The following SMYD3 variants were observed in gnomAD, a reference collection of about 807,000 sequenced individuals.
SMYD3 encodes the protein histone-lysine N-methyltransferase SMYD3.
A neutral mutation model predicts 57.7 loss-of-function variants in SMYD3; 36 were observed. That is an observed-to-expected ratio of 0.62 (90% CI 0.48 to 0.82). SMYD3 has a LOEUF of 0.82. SMYD3 is among the 40% of genes least tolerant of loss of function. The pLI is 0.00. For missense variants in SMYD3, 515 were observed against 538.8 expected, an observed-to-expected ratio of 0.96 and a Z score of 0.44; for synonymous variants, 211 against 195.0, an observed-to-expected ratio of 1.08 and a Z score of -0.68.
intron 1 of SMYD3, among the ~76,000 whole-genome samples, chr1:246,453,513 A>G (rs543270053): frequency 6.6e-6 from 1 of 152,266 alleles, no homozygotes; most frequent in Non-Finnish European, 1.5e-5. Context: ...TAAAATAACT[A>G]GAAATAAAAA....
chr1:245,804,358 G>T (rs999862427), intron 10 of SMYD3, among the ~76,000 whole-genome samples: 10 of 152,128 alleles, frequency 6.6e-5, no homozygotes, highest in Admixed American at 5.2e-4. Context: ...CAAGGCAGGC[G>T]GATCACGAAG....
intron 10 of SMYD3, among the ~76,000 whole-genome samples, chr1:245,846,135 C>T (rs577301835): frequency 9.9e-5 from 15 of 152,246 alleles, no homozygotes; most frequent in South Asian, 4.2e-4. Flanking sequence ...TGTCTCACCA[C>T]GCTGTGGACA....
intron 5 of SMYD3, among the ~76,000 whole-genome samples, chr1:246,221,603 C>T (rs573402562): frequency 2.0e-5 from 3 of 152,294 alleles, no homozygotes; most frequent in Non-Finnish European, 2.9e-5. Flanking sequence ...CGGTGCCAGA[C>T]GGGAAAGCCG....
At chr1:246,008,589 A>T (rs1382539351) in intron 5 of SMYD3, among the ~76,000 whole-genome samples, 1 of 152,204 alleles carries the variant, frequency 6.6e-6, no homozygotes, top group Non-Finnish European at 1.5e-5. Context: ...AGGCTCTGGC[A>T]GCAACAGCGC....
At chr1:246,276,350 A>G (rs79435506) in intron 5 of SMYD3, among the ~76,000 whole-genome samples, 7 of 79,076 alleles carry the variant, frequency 8.9e-5, no homozygotes, top group Admixed American at 1.4e-4. Context: ...TACTAACTCC[A>G]TTTTTTCACT....
chr1:246,200,240 G>T (rs370237094), intron 5 of SMYD3, among the ~76,000 whole-genome samples: 48 of 4,056 alleles, frequency 0.012, 1 homozygote, highest in South Asian at 0.03. Flanking sequence ...GTACACAGAT[G>T]CCCACTGTAA....
intron 5 of SMYD3, among the ~76,000 whole-genome samples, chr1:246,037,645 CT>C (rs1208297776): frequency 3.9e-5 from 6 of 152,234 alleles, no homozygotes; most frequent in South Asian, 2.1e-4. Flanking sequence ...ATAGTAATAG[CT>C]TCCCACATTT....
At chr1:245,820,548 C>A (rs1363239306) in intron 10 of SMYD3, among the ~76,000 whole-genome samples, 3 of 151,234 alleles carry the variant, frequency 2.0e-5, no homozygotes, top group Non-Finnish European at 4.4e-5. Context: ...CTGGCCAGGG[C>A]AATTAGGCAG....
chr1:246,356,159 T>C (rs1183777892), intron 1 of SMYD3, among the ~76,000 whole-genome samples: 1 of 152,114 alleles, frequency 6.6e-6, no homozygotes, highest in Non-Finnish European at 1.5e-5. Flanking sequence ...CAGAGCCCAG[T>C]ACCTCCACTG....
intron 10 of SMYD3, among the ~76,000 whole-genome samples, chr1:245,776,406 GGA>G (rs924059246): frequency 3.3e-5 from 5 of 152,150 alleles, no homozygotes; most frequent in Non-Finnish European, 7.4e-5. Context: ...AAAGAAAAGA[GGA>G]GAGTCATAAA....
chr1:245,949,430 C>G (rs2057540398), intron 5 of SMYD3, among the ~76,000 whole-genome samples: 1 of 152,076 alleles, frequency 6.6e-6, no homozygotes, highest in Non-Finnish European at 1.5e-5. Context: ...TTATAGACAC[C>G]ACGGATGCCG....
intron 5 of SMYD3, among the ~76,000 whole-genome samples, chr1:246,310,975 A>G (rs1271261044): frequency 6.6e-6 from 1 of 152,100 alleles, no homozygotes; most frequent in Non-Finnish European, 1.5e-5. Flanking sequence ...GCCTAACAGT[A>G]AGGCTTTAAA....
intron 10 of SMYD3, among the ~76,000 whole-genome samples, chr1:245,812,589 C>A (rs1039982196): frequency 7.9e-5 from 12 of 151,668 alleles, no homozygotes; most frequent in Admixed American, 5.9e-4. Flanking sequence ...TGAAAACACA[C>A]CTGGATGCAG....
chr1:246,406,569 T>G (rs914141427), intron 1 of SMYD3, among the ~76,000 whole-genome samples: 3 of 152,238 alleles, frequency 2.0e-5, no homozygotes, highest in Non-Finnish European at 4.4e-5. Flanking sequence ...CTCTCTTCAG[T>G]GCACCGTGTC....
At chr1:246,475,152 A>C (rs935604230) in intron 1 of SMYD3, among the ~76,000 whole-genome samples, 1 of 151,706 alleles carries the variant, frequency 6.6e-6, no homozygotes, top group African/African-American at 2.4e-5. Context: ...CCCCATCCCT[A>C]TCAAACCCCT....
At chr1:246,217,255 C>T (rs2063179210) in intron 5 of SMYD3, among the ~76,000 whole-genome samples, 1 of 152,102 alleles carries the variant, frequency 6.6e-6, no homozygotes, top group Non-Finnish European at 1.5e-5. Context: ...GGTGAATACA[C>T]CTTCAATCCA....
intron 4 of SMYD3, among the ~76,000 whole-genome samples, chr1:246,329,447 G>A (rs923375205): frequency 2.0e-5 from 3 of 152,162 alleles, no homozygotes; most frequent in Admixed American, 6.5e-5. Context: ...GCCAGTGATT[G>A]TGAGCATTTT....
At chr1:246,082,541 G>A (rs557918753) in intron 5 of SMYD3, among the ~76,000 whole-genome samples, 72 of 152,058 alleles carry the variant, frequency 4.7e-4, no homozygotes, top group East Asian at 1.2e-3. Flanking sequence ...CCCCTTGCCC[G>A]CCAAACTGTC....
At chr1:246,044,397 G>A (rs538288693) in intron 5 of SMYD3, among the ~76,000 whole-genome samples, 36 of 152,220 alleles carry the variant, frequency 2.4e-4, no homozygotes, top group Admixed American at 2.4e-3. Flanking sequence ...ATCGCATGAT[G>A]TCTATTTTAC....
Sources: allele counts gnomAD v4.1 joint callset (sites outside exome capture counted in the v4.1 genomes callset), GRCh38; gene constraint gnomAD v4.1.1; transcripts MANE v1.5; gene names NCBI Gene and HGNC (gene_info 2026-07-23, HGNC 2026-07-21).